ADAM19: variants seen among roughly 807,000 people sequenced by gnomAD.
ADAM19 encodes disintegrin and metalloproteinase domain-containing protein 19.
A neutral mutation model predicts 114.7 loss-of-function variants in ADAM19; 65 were observed. The observed-to-expected ratio is 0.57, with a 90% confidence interval of 0.46 to 0.70. The LOEUF (loss-of-function observed/expected upper bound fraction) is 0.70, where lower values mean the gene tolerates loss of function less well. Ranked by LOEUF, ADAM19 falls within the 30% of genes least tolerant of loss-of-function variation. The pLI is 0.00. For synonymous variants in ADAM19, 466 were observed against 460.5 expected (o/e 1.01, Z -0.15); for missense variants, 1,063 against 1,204.7 (o/e 0.88, Z 1.74).
intron 12 of ADAM19, among the ~76,000 whole-genome samples, chr5:157,502,590 T>C (rs1051795507): frequency 3.3e-5 from 5 of 152,214 alleles, no homozygotes; most frequent in African/African-American, 1.2e-4. Context: ...GAACTGATCC[T>C]GGACACTAGC....
At position 157,513,434 on chromosome 5, in the gene ADAM19, C is replaced by T. The variant is rs1291079082; in HGVS notation, c.738G>A (p.Lys246=). ...KLIEIANYVD[K]FYRSLNIRIA... ...CCACAAAGTACACACCTGGTCTCAC[C>T]TTATCAACATAGTTGGCGATCTCTA... Residue 246 remains lysine (K), a splice_region_variant and synonymous_variant, in exon 8 of 23, where the codon AAG becomes AAA. Transcript: ENST00000257527. 6.2e-7 allele frequency: 1 copy of T among 1,613,800 alleles called. No individual in the cohort carries two copies. Among genetic ancestry groups the T allele is most frequent in the Admixed American group, 1.7e-5 (1 of 60,012 alleles).
intron 20 of ADAM19, 39 bp from the exon 21 acceptor site, chr5:157,488,528 C>A: frequency 6.7e-7 from 1 of 1,485,040 alleles, no homozygotes; most frequent in Non-Finnish European, 9.1e-7. Context: ...GACAAGAAAT[C>A]ACTCAGGGCT....
rs762194710 is a variant in ADAM19 at position 157,539,657 on chromosome 5, G to A, written c.252-1666C>T. 9.8e-5 allele frequency among the ~76,000 whole-genome samples: 15 copies of A among 152,344 alleles called. No individual in the cohort carries two copies. The South Asian group carries it at 1.2e-3, about 13-fold the overall frequency. ...AGCACAAACCCCAGCTTTGTGAAGAGAAATTCTCATTCACATGGAAACTTT... is the reference window on the plus strand; with the variant it reads ...AGCACAAACCCCAGCTTTGTGAAGAAAAATTCTCATTCACATGGAAACTTT... On this transcript the variant is annotated intron_variant, in intron 3 of 22. Transcript: ENST00000257527.
intron 5 of ADAM19, among the ~76,000 whole-genome samples, chr5:157,528,572 T>A (rs970794037): frequency 2.0e-5 from 3 of 152,188 alleles, no homozygotes; most frequent in Non-Finnish European, 4.4e-5. Flanking sequence ...GGGGCCACTC[T>A]GTTATTGCTT....
chr5:157,569,485 C>G (rs1347061896), intron 2 of ADAM19, among the ~76,000 whole-genome samples: 1 of 144,368 alleles, frequency 6.9e-6, no homozygotes, highest in African/African-American at 2.6e-5. Context: ...TCTTAAATTC[C>G]TGGCCTCAAA....
chr5:157,486,794 T>A (rs374878041), intron 21 of ADAM19, among the ~76,000 whole-genome samples: 26 of 147,250 alleles, frequency 1.8e-4, no homozygotes, highest in African/African-American at 6.2e-4. Flanking sequence ...ACTCATCATT[T>A]AAAAAAAAAA....
intron 2 of ADAM19, among the ~76,000 whole-genome samples, chr5:157,569,404 C>A (rs186605845): frequency 2.1e-5 from 3 of 142,346 alleles, no homozygotes; most frequent in East Asian, 4.1e-4. Context: ...ACCCCTAGGT[C>A]TAGCTAATTT....
intron 16 of ADAM19, among the ~76,000 whole-genome samples, chr5:157,492,192 T>C (rs1042004911): frequency 3.3e-5 from 5 of 152,102 alleles, no homozygotes; most frequent in African/African-American, 9.7e-5. Context: ...CTCGGGAAGC[T>C]GAGGCAGGAG....
rs1051167021 is a variant in ADAM19, at chr5:157,479,066, T to C, written c.*1883A>G. 3.0e-6 allele frequency: 3 copies of C among 985,544 alleles called. No individual in the cohort carries two copies. The African/African-American group carries it at 5.2e-5, about 17-fold the overall frequency. 61.0% of individuals were successfully genotyped at this position (985,544 alleles called of 1,614,324 possible). On this transcript the variant is annotated 3_prime_UTR_variant, in exon 23 of 23. Transcript: ENST00000257527. ...TGAGGCAGAGGGTAGCACATTTAAA[T>C]AAAAGGTTGGGCCACAGGAAAGGTG...
chr5:157,552,615 G>A (rs1757231716), intron 3 of ADAM19, among the ~76,000 whole-genome samples: 1 of 149,636 alleles, frequency 6.7e-6, no homozygotes, highest in African/African-American at 2.5e-5. Context: ...GGAGGTGGAG[G>A]TTGCAGTGAG....
intron 3 of ADAM19, among the ~76,000 whole-genome samples, chr5:157,561,382 T>G (rs1359815467): frequency 6.6e-6 from 1 of 152,146 alleles, no homozygotes; most frequent in Non-Finnish European, 1.5e-5. Context: ...TTTTGGGCCA[T>G]GCATTAATAC....
chr5:157,551,722 A>AG (rs1191403290), intron 3 of ADAM19, among the ~76,000 whole-genome samples: 2 of 151,360 alleles, frequency 1.3e-5, no homozygotes, highest in African/African-American at 4.9e-5. Flanking sequence ...CAACTCTATA[A>AG]GAAAAAAAAA....
chr5:157,550,314 C>T (rs542014357), intron 3 of ADAM19, among the ~76,000 whole-genome samples: 1 of 152,296 alleles, frequency 6.6e-6, no homozygotes, highest in South Asian at 2.1e-4. Flanking sequence ...CTCTAATCTT[C>T]ACATGGCATT....
At chr5:157,559,514 C>T (rs1757456632) in intron 3 of ADAM19, among the ~76,000 whole-genome samples, 1 of 152,198 alleles carries the variant, frequency 6.6e-6, no homozygotes, top group African/African-American at 2.4e-5. Flanking sequence ...ATTCAGTGTG[C>T]CCTCCTTTTG....
Position 157,479,630 on chromosome 5 carries a change from G to A in ADAM19, c.*1319C>T. 2 of 985,918 alleles carry A rather than the reference G, an allele frequency of 2.0e-6. No homozygotes were observed. The highest frequency in any genetic ancestry group is 2.4e-6 in the Non-Finnish European group (2 of 830,032). The allele number at this position is 985,918 out of a possible 1,614,324, so 61.1% of individuals were successfully genotyped here. A position where few individuals can be genotyped will look rare whatever the true frequency, so the allele number is the denominator to read the frequency against. ...TGCTCAGAGCTCTCTTTCTGTGAGGGTCAGGTAAGGGCAGTGACCAGAGAG... is the reference window on the plus strand; with the variant it reads ...TGCTCAGAGCTCTCTTTCTGTGAGGATCAGGTAAGGGCAGTGACCAGAGAG... On this transcript the variant is annotated 3_prime_UTR_variant, in exon 23 of 23. Coordinates refer to ENST00000257527, the MANE Select transcript of ADAM19 (RefSeq NM_033274.5).
chr5:157,532,246 C>A (rs962776915), intron 4 of ADAM19, among the ~76,000 whole-genome samples: 1 of 152,188 alleles, frequency 6.6e-6, no homozygotes, highest in African/African-American at 2.4e-5. Context: ...GACACCATAG[C>A]CAGCAAACGG....
chr5:157,506,906 A>T, intron 10 of ADAM19, 150 bp downstream of exon 10: 1 of 644,154 alleles, frequency 1.6e-6, no homozygotes, highest in Non-Finnish European at 2.7e-6. Flanking sequence ...CTTAGAACTT[A>T]ATGACTTCAT....
intron 4 of ADAM19, among the ~76,000 whole-genome samples, chr5:157,536,262 G>A (rs1756761176): frequency 6.6e-6 from 1 of 152,224 alleles, no homozygotes; most frequent in African/African-American, 2.4e-5. Flanking sequence ...GGGAGGCTGA[G>A]GTGGGTGGAT....
chr5:157,559,901 TC>T (rs372094862), intron 3 of ADAM19, among the ~76,000 whole-genome samples: 33 of 152,248 alleles, frequency 2.2e-4, no homozygotes, highest in African/African-American at 7.9e-4. Flanking sequence ...CCAGGATGTC[TC>T]CACAGGTAGA....
Sources: allele counts gnomAD v4.1 joint callset (sites outside exome capture counted in the v4.1 genomes callset), GRCh38; gene constraint gnomAD v4.1.1; transcripts MANE v1.5; gene names NCBI Gene and HGNC (gene_info 2026-07-23, HGNC 2026-07-21).